CHRNB4: variants seen among roughly 807,000 people sequenced by gnomAD.
The protein encoded by CHRNB4 is neuronal acetylcholine receptor subunit beta-4.
CHRNB4 carries 23 observed loss-of-function variants against 40.4 expected under a neutral mutation model. The observed-to-expected ratio is 0.57, with a 90% confidence interval of 0.41 to 0.81. The LOEUF is 0.81. Ranked by LOEUF, CHRNB4 falls within the 30% of genes least tolerant of loss-of-function variation. The probability of loss-of-function intolerance (pLI) is 0.00; values close to 1 mark genes in which losing one functional copy is unlikely to be tolerated. For missense variants in CHRNB4, 568 were observed against 670.6 expected, an observed-to-expected ratio of 0.85 and a Z score of 1.69; for synonymous variants, 285 against 274.4, an observed-to-expected ratio of 1.04 and a Z score of -0.38.
Position 78,625,108 on chromosome 15 carries a change from T to C in CHRNB4, c.*25A>G, listed in dbSNP as rs1247751609. On this transcript the variant is annotated 3_prime_UTR_variant, in exon 6 of 6. Coordinates refer to ENST00000261751, the MANE Select transcript of CHRNB4 (RefSeq NM_000750.5). ...AGTGCCCACCCGGCCACTCACATCCTCTCACCCCACAACCCAGGGGGCCCT... is the reference window on the plus strand; with the variant it reads ...AGTGCCCACCCGGCCACTCACATCCCCTCACCCCACAACCCAGGGGGCCCT... The C allele has an allele frequency of 6.2e-7, 1 of 1,613,642 alleles. No individual in the cohort carries two copies. Among genetic ancestry groups the C allele is most frequent in the Non-Finnish European group, 8.5e-7 (1 of 1,179,982 alleles).
intron 7 of CHRNB4, among the ~76,000 whole-genome samples, chr15:78,648,733 G>C (rs973740796): frequency 7.2e-6 from 1 of 139,824 alleles, no homozygotes; most frequent in Non-Finnish European, 1.5e-5. Flanking sequence ...CAGCCTGGGC[G>C]ACAGAGTGAG....
chr15:78,659,674 T>C (rs1329368488), intron 1 of CHRNB4, among the ~76,000 whole-genome samples: 2 of 152,152 alleles, frequency 1.3e-5, no homozygotes, highest in Non-Finnish European at 2.9e-5. Context: ...CATGTGAGGC[T>C]GATGTTGTGT....
At chr15:78,658,394 TTGAATGAA>T (rs954580828) in intron 1 of CHRNB4, 11 of 152,240 alleles carry the variant, frequency 7.2e-5, no homozygotes, top group African/African-American at 1.9e-4. Flanking sequence ...TAATAAATGT[TTGAATGAA>T]TGAATGAATG....
At chr15:78,637,622 A>G (rs11853042) in intron 1 of CHRNB4, among the ~76,000 whole-genome samples, 151,950 of 152,292 alleles carry the variant, frequency 1, 75,806 homozygotes, top group Non-Finnish European at 1. Context: ...TAGGGCCAGA[A>G]GGCCCAGAGC....
chr15:78,645,420 T>C (rs1298100047), upstream of CHRNB4, among the ~76,000 whole-genome samples: 1 of 152,146 alleles, frequency 6.6e-6, no homozygotes, highest in Non-Finnish European at 1.5e-5. Context: ...TAAAAAACTC[T>C]ACTTCAGGAC....
chr15:78,656,874 T>G (rs994502277), intron 3 of CHRNB4, among the ~76,000 whole-genome samples: 2 of 152,148 alleles, frequency 1.3e-5, no homozygotes, highest in Non-Finnish European at 2.9e-5. Flanking sequence ...TATTCTACAT[T>G]CTCTCCCTAG....
At chr15:78,630,379 C>A (rs1336215494) in intron 4 of CHRNB4, among the ~76,000 whole-genome samples, 1 of 152,000 alleles carries the variant, frequency 6.6e-6, no homozygotes, top group Non-Finnish European at 1.5e-5. Flanking sequence ...CTCAGGTGAT[C>A]CACCCGCCTC....
intron 6 of CHRNB4, among the ~76,000 whole-genome samples, chr15:78,651,902 G>T (rs2141409238): frequency 6.6e-6 from 1 of 152,322 alleles, no homozygotes; most frequent in Admixed American, 6.5e-5. Flanking sequence ...AGCCCAAAAG[G>T]GCTGCAGGGA....
upstream of CHRNB4, chr15:78,661,064 C>A (rs2054248742): frequency 3.4e-6 from 2 of 596,096 alleles, no homozygotes; most frequent in Non-Finnish European, 6.5e-6. Flanking sequence ...TCTCGGCTGG[C>A]CCTTTGACCT....
At chr15:78,661,092 C>A (rs1341426291), upstream of CHRNB4, 11 of 605,694 alleles carry the variant, frequency 1.8e-5, no homozygotes, top group Non-Finnish European at 1.9e-5. Context: ...GCTTGAACTT[C>A]CGGCCCTTGG....
intron 7 of CHRNB4, among the ~76,000 whole-genome samples, chr15:78,647,595 C>T (rs1440230285): frequency 2.0e-5 from 3 of 150,966 alleles, no homozygotes; most frequent in Non-Finnish European, 3.0e-5. Context: ...GCCTGTAATC[C>T]CAGCACTTTG....
At chr15:78,634,671 A>G in intron 2 of CHRNB4, 1 of 455,520 alleles carries the variant, frequency 2.2e-6, no homozygotes, top group Non-Finnish European at 4.4e-6. Flanking sequence ...CCCTGGCTGG[A>G]CACAGCGCCC....
rs142012743 is a variant in CHRNB4, at chr15:78,640,177, C to A, written c.55+902G>T. On this transcript the variant is annotated intron_variant, in intron 1 of 5. Transcript: ENST00000261751. ...TATATTCCCTGACTCCTACCTCCTG[C>A]CTCCCCTATGGTGGGTCTCTATCCA... 3.5e-3 allele frequency among the ~76,000 whole-genome samples: 527 copies of A among 152,334 alleles called. 1 individual carries two copies. The highest frequency in any genetic ancestry group is 0.012 in the African/African-American group (485 of 41,572).
chr15:78,649,400 C>T (rs990315082), exon 7 of CHRNB4: 9 of 455,296 alleles, frequency 2.0e-5, no homozygotes, highest in African/African-American at 1.6e-4. Flanking sequence ...TGATCTGGAG[C>T]TGGGGCCAGC....
intron 2 of CHRNB4, among the ~76,000 whole-genome samples, chr15:78,658,022 GTTTCTCTTTTTTTT>G (rs1324336379): frequency 8.6e-6 from 1 of 116,576 alleles, no homozygotes; most frequent in Non-Finnish European, 1.8e-5. Flanking sequence ...ACTGTCTCTT[GTTTCTCTTTTTTTT>G]TTTTTTTTTT....
In CHRNB4 at chr15:78,629,453, G is replaced by A. The variant is rs377658350; in HGVS notation, c.852C>T (p.Ile284=). ...LTFFLLLISK[I]VPPTSLDVPL... ...GCACATCGAGGGAGGTGGGTGGCAC[G>A]ATCTTGGAGATGAGCAGCAGGAAGA... The change falls in exon 5 of 6, where the codon ATC becomes ATT. Residue 284 remains isoleucine, a synonymous_variant. Transcript: ENST00000261751. The surrounding 1 kb of genome is among the most constrained non-coding windows in gnomAD (Gnocchi z 6.8). 1.6e-5 allele frequency: 26 copies of A among 1,614,168 alleles called. No homozygotes were observed. Among genetic ancestry groups the A allele is most frequent in the Admixed American group, 5.0e-5 (3 of 60,028 alleles).
At chr15:78,650,919 G>T (rs142818340) in intron 6 of CHRNB4, among the ~76,000 whole-genome samples, 1 of 152,198 alleles carries the variant, frequency 6.6e-6, no homozygotes. Context: ...TTTGTTTCGT[G>T]CAAGTGTAGT....
chr15:78,655,403 C>CATATCTATCTATATCTATATATCT (rs1567141911), intron 5 of CHRNB4: 2 of 147,842 alleles, frequency 1.4e-5, no homozygotes, highest in African/African-American at 5.1e-5. Context: ...ATATACGTTA[C>CATATCTATCTATATCTATATATCT]ATATCTATAT....
intron 7 of CHRNB4, among the ~76,000 whole-genome samples, chr15:78,647,792 G>A (rs946545171): frequency 8.9e-5 from 13 of 146,544 alleles, no homozygotes; most frequent in South Asian, 2.2e-4. Flanking sequence ...TCCAGGAGGC[G>A]GAGCTTGCAC....
Sources: allele counts gnomAD v4.1 joint callset (sites outside exome capture counted in the v4.1 genomes callset), GRCh38; gene constraint gnomAD v4.1.1; non-coding constraint Gnocchi (gnomAD v3.1); transcripts MANE v1.5; gene names NCBI Gene and HGNC (gene_info 2026-07-23, HGNC 2026-07-21).